The following DLG2 variants were observed in gnomAD, a reference collection of about 807,000 sequenced individuals.
DLG2 encodes disks large homolog 2.
In DLG2, 45 loss-of-function variants were observed where a neutral mutation model predicts 132.5. The observed-to-expected ratio is 0.34, with a 90% CI of 0.27 to 0.44. DLG2 has a LOEUF of 0.44. DLG2 is among the 20% of genes least tolerant of loss of function. DLG2 has a pLI of 1.00. For synonymous variants in DLG2, 424 were observed against 419.6 expected (o/e 1.01, Z -0.13); for missense variants, 1,045 against 1,196.9 (o/e 0.87, Z 1.87).
chr11:84,737,143 G>GT (rs989596087), intron 6 of DLG2, among the ~76,000 whole-genome samples: 10 of 151,586 alleles, frequency 6.6e-5, no homozygotes, highest in Non-Finnish European at 1.2e-4. Flanking sequence ...ATTTTTTTAG[G>GT]TGATTAATAT....
At chr11:84,261,727 T>C (rs2097549805) in intron 7 of DLG2, among the ~76,000 whole-genome samples, 1 of 152,192 alleles carries the variant, frequency 6.6e-6, no homozygotes, top group African/African-American at 2.4e-5. Flanking sequence ...CCTACACTCC[T>C]AACAGTGCTG....
At chr11:84,818,361 A>G (rs1006205968) in intron 6 of DLG2, among the ~76,000 whole-genome samples, 11 of 151,902 alleles carry the variant, frequency 7.2e-5, no homozygotes, top group African/African-American at 2.4e-4. Context: ...TTTGGTTTAG[A>G]TTTTTTAAGA....
intron 8 of DLG2, among the ~76,000 whole-genome samples, chr11:84,184,249 C>T (rs1190868479): frequency 6.6e-6 from 1 of 151,976 alleles, no homozygotes; most frequent in Non-Finnish European, 1.5e-5. Flanking sequence ...TGTTTCCTGA[C>T]TTTTTAATGA....
intron 3 of DLG2, among the ~76,000 whole-genome samples, chr11:85,544,133 T>G (rs565535697): frequency 6.6e-6 from 1 of 152,358 alleles, no homozygotes; most frequent in Admixed American, 6.5e-5. Context: ...GGTCTAAAAT[T>G]TAAGTCTTGA....
chr11:84,497,366 A>G (rs2099187484), intron 7 of DLG2, among the ~76,000 whole-genome samples: 1 of 152,086 alleles, frequency 6.6e-6, no homozygotes. Flanking sequence ...CCAATATTAG[A>G]TTATTGCTAC....
chr11:85,347,684 G>GT (rs1364001197), intron 3 of DLG2, among the ~76,000 whole-genome samples: 1 of 151,162 alleles, frequency 6.6e-6, no homozygotes, highest in East Asian at 1.9e-4. Context: ...TCTGCCTTTT[G>GT]TCAGTTGATT....
chr11:84,285,335 G>C (rs1027661937), intron 7 of DLG2, among the ~76,000 whole-genome samples: 6 of 152,046 alleles, frequency 3.9e-5, no homozygotes, highest in Non-Finnish European at 8.8e-5. Flanking sequence ...AAGACCCTCT[G>C]ATGGAATAAT....
At chr11:84,715,535 T>C (rs1451478358) in intron 6 of DLG2, among the ~76,000 whole-genome samples, 1 of 152,076 alleles carries the variant, frequency 6.6e-6, no homozygotes, top group Non-Finnish European at 1.5e-5. Flanking sequence ...TCTTCAAATT[T>C]CCTCCCAATC....
intron 19 of DLG2, among the ~76,000 whole-genome samples, chr11:83,597,512 C>T (rs540609623): frequency 1.6e-4 from 25 of 152,122 alleles, no homozygotes; most frequent in Admixed American, 4.6e-4. Context: ...GGCAAAACCC[C>T]GTCTCTACCA....
chr11:84,957,062 C>T (rs2051784260), intron 6 of DLG2, among the ~76,000 whole-genome samples: 1 of 152,124 alleles, frequency 6.6e-6, no homozygotes, highest in Non-Finnish European at 1.5e-5. Context: ...GTCCTAAGAA[C>T]TATGAATTAA....
chr11:84,637,425 T>C (rs749815093), intron 6 of DLG2, among the ~76,000 whole-genome samples: 2 of 152,158 alleles, frequency 1.3e-5, no homozygotes, highest in Non-Finnish European at 2.9e-5. Context: ...GGTCATGACT[T>C]TGACTAAGAT....
intron 4 of DLG2, among the ~76,000 whole-genome samples, chr11:85,278,065 A>G (rs747853801): frequency 3.3e-5 from 5 of 152,176 alleles, no homozygotes; most frequent in Admixed American, 1.3e-4. Context: ...AATCAGTCTT[A>G]CTACTCTCAG....
At chr11:83,988,698 G>A (rs2093509797) in intron 11 of DLG2, among the ~76,000 whole-genome samples, 1 of 151,930 alleles carries the variant, frequency 6.6e-6, no homozygotes, top group African/African-American at 2.4e-5. Context: ...TGTCAATTTA[G>A]GGTCTTTGCT....
At chr11:85,059,828 A>C (rs1162661532) in intron 6 of DLG2, among the ~76,000 whole-genome samples, 3 of 151,652 alleles carry the variant, frequency 2.0e-5, no homozygotes, top group Admixed American at 2.0e-4. Context: ...TCACTTTGTG[A>C]AAATTCATCA....
At chr11:84,821,147 G>T (rs1175825843) in intron 6 of DLG2, among the ~76,000 whole-genome samples, 1 of 151,782 alleles carries the variant, frequency 6.6e-6, no homozygotes, top group African/African-American at 2.4e-5. Context: ...TTTTTCCAAA[G>T]CAATTTCATT....
intron 7 of DLG2, chr11:84,272,001 A>G (rs1382887701): frequency 6.6e-6 from 1 of 152,198 alleles, no homozygotes; most frequent in Admixed American, 6.6e-5. Context: ...ACATAGGAGA[A>G]GCAAACTATA....
At chr11:84,515,571 G>A (rs763938768) in intron 7 of DLG2, among the ~76,000 whole-genome samples, 1 of 151,712 alleles carries the variant, frequency 6.6e-6, no homozygotes, top group Admixed American at 6.6e-5. Context: ...TGACATCCAA[G>A]CACCTAAACA....
chr11:85,490,109 G>A (rs940164901), intron 3 of DLG2, among the ~76,000 whole-genome samples: 1 of 151,946 alleles, frequency 6.6e-6, no homozygotes, highest in Non-Finnish European at 1.5e-5. Flanking sequence ...GATCAATTAA[G>A]CCCAAGAATG....
chr11:85,480,526 A>G (rs571240143), intron 3 of DLG2, among the ~76,000 whole-genome samples: 1 of 152,330 alleles, frequency 6.6e-6, no homozygotes, highest in South Asian at 2.1e-4. Context: ...ATTTATATGC[A>G]ACTTAAAATA....
Sources: gnomAD v4.1 joint callset for allele counts (sites outside exome capture counted in the v4.1 genomes callset) on GRCh38, gnomAD v4.1.1 for gene constraint, MANE v1.5 for transcripts, NCBI Gene and HGNC (gene_info 2026-07-23, HGNC 2026-07-21) for gene names.